CBLB: variants seen among roughly 807,000 people sequenced by gnomAD.
The protein encoded by CBLB is E3 ubiquitin-protein ligase CBL-B.
CBLB carries 31 observed loss-of-function variants against 104.9 expected under a neutral mutation model. The observed-to-expected ratio is 0.30, with a 90% CI of 0.22 to 0.40. The LOEUF is 0.40. Among genes scored for constraint, CBLB ranks in the 10% least tolerant of loss-of-function variants. CBLB has a pLI of 1.00. For missense variants in CBLB, 1,062 were observed against 1,214.6 expected, an observed-to-expected ratio of 0.87 and a Z score of 1.87; for synonymous variants, 440 against 422.6, an observed-to-expected ratio of 1.04 and a Z score of -0.51.
intron 3 of CBLB, among the ~76,000 whole-genome samples, chr3:105,817,898 T>G (rs1353795301): frequency 2.0e-5 from 3 of 152,224 alleles, no homozygotes; most frequent in African/African-American, 7.2e-5. Context: ...TAATTTGCAT[T>G]ATTAAGTTTT....
chr3:105,723,435 A>C (rs1482815919), intron 9 of CBLB, among the ~76,000 whole-genome samples: 2 of 152,074 alleles, frequency 1.3e-5, no homozygotes, highest in East Asian at 3.8e-4. Flanking sequence ...TTCTAAACCA[A>C]AGGATACAGA....
intron 10 of CBLB, among the ~76,000 whole-genome samples, chr3:105,707,205 C>T (rs550497458): frequency 6.6e-6 from 1 of 152,252 alleles, no homozygotes; most frequent in Admixed American, 6.5e-5. Flanking sequence ...GACGAGCAGG[C>T]TCTCTGAAGC....
At chr3:105,667,493 G>T (rs1383856353) in intron 18 of CBLB, among the ~76,000 whole-genome samples, 2 of 152,110 alleles carry the variant, frequency 1.3e-5, no homozygotes, top group East Asian at 3.8e-4. Flanking sequence ...CGATATATGT[G>T]AATTTAACAT....
intron 14 of CBLB, among the ~76,000 whole-genome samples, chr3:105,683,514 T>TAA (rs34999091): frequency 0.23 from 35,416 of 151,854 alleles, 4,395 homozygotes; most frequent in Non-Finnish European, 0.27. Context: ...ATGTAACAAT[T>TAA]AAAATTTAAC....
rs144889793 is a variant in CBLB, at chr3:105,854,711, C to T, written c.169-1047G>A. On this transcript the variant is annotated intron_variant, in intron 2 of 18. Transcript: ENST00000394030. Reference sequence around the variant, plus strand: ...GTAGTGACACGATCTCAGCTCACTGCAACCTCTGCCTCCCGGGTTCAAGTG... The same window carrying T: ...GTAGTGACACGATCTCAGCTCACTGTAACCTCTGCCTCCCGGGTTCAAGTG... Among the ~76,000 whole-genome samples, 1,324 of 152,166 alleles carry T rather than the reference C, an allele frequency of 8.7e-3. 27 individuals are homozygous for T. The highest frequency in any genetic ancestry group is 0.03 in the African/African-American group (1,261 of 41,486).
chr3:105,820,670 C>A (rs2085715067), intron 3 of CBLB, among the ~76,000 whole-genome samples: 1 of 151,926 alleles, frequency 6.6e-6, no homozygotes, highest in Non-Finnish European at 1.5e-5. Context: ...TACACAAACA[C>A]CAGATAAAAA....
chr3:105,738,504 C>A (rs191901585), intron 7 of CBLB, among the ~76,000 whole-genome samples: 2 of 151,728 alleles, frequency 1.3e-5, no homozygotes, highest in East Asian at 1.9e-4. Flanking sequence ...TTTTTATATA[C>A]CCTAAAAATT....
chr3:105,790,146 AAAT>A (rs1263415410), intron 3 of CBLB, among the ~76,000 whole-genome samples: 1 of 152,266 alleles, frequency 6.6e-6, no homozygotes, highest in African/African-American at 2.4e-5. Context: ...AAAAATAAGA[AAAT>A]AATTTTAAAA....
intron 17 of CBLB, 150 bp from the exon 18 acceptor site, chr3:105,670,502 C>T (rs995717696): frequency 3.1e-6 from 2 of 638,220 alleles, no homozygotes; most frequent in Non-Finnish European, 5.4e-6. Flanking sequence ...TTTTTTACTG[C>T]CTGCATATTT....
intron 4 of CBLB, among the ~76,000 whole-genome samples, chr3:105,752,716 T>C (rs1047164112): frequency 6.6e-6 from 1 of 152,206 alleles, no homozygotes; most frequent in Non-Finnish European, 1.5e-5. Context: ...AACTTTCATA[T>C]TCATTCAATA....
intron 6 of CBLB, 93 bp from the exon 7 acceptor site, chr3:105,740,724 C>G: frequency 8.7e-7 from 1 of 1,150,932 alleles, no homozygotes; most frequent in Middle Eastern, 2.0e-4. Context: ...AAAGAATAAA[C>G]AATCATTTAG....
chr3:105,678,828 T>C (rs2065957181), intron 16 of CBLB, among the ~76,000 whole-genome samples: 1 of 152,108 alleles, frequency 6.6e-6, no homozygotes, highest in Admixed American at 6.5e-5. Flanking sequence ...TATCAGGCCT[T>C]TTTATAAAAA....
chr3:105,820,604 C>T (rs1363821592), intron 3 of CBLB, among the ~76,000 whole-genome samples: 1 of 152,136 alleles, frequency 6.6e-6, no homozygotes, highest in Non-Finnish European at 1.5e-5. Context: ...CTTGTCCCAG[C>T]TTAGAAAGAG....
At chr3:105,827,489 T>C (rs563504416) in intron 3 of CBLB, among the ~76,000 whole-genome samples, 19 of 148,840 alleles carry the variant, frequency 1.3e-4, no homozygotes, top group Admixed American at 6.7e-4. Context: ...TTTACCAGTG[T>C]GTATGTGTGT....
chr3:105,777,630 A>C (rs2079639656), intron 3 of CBLB, among the ~76,000 whole-genome samples: 1 of 152,246 alleles, frequency 6.6e-6, no homozygotes, highest in African/African-American at 2.4e-5. Flanking sequence ...CAAAAACAAA[A>C]AATGAAAGAG....
In CBLB at chr3:105,655,877, T is replaced by A. The variant is rs979308314; in HGVS notation, c.*3093A>T. 4.5e-6 allele frequency: 1 copy of A among 222,414 alleles called. No individual in the cohort carries two copies. Among genetic ancestry groups the A allele is most frequent in the Non-Finnish European group, 9.0e-6 (1 of 111,212 alleles). 13.8% of individuals were successfully genotyped at this position (222,414 alleles called of 1,614,324 possible). A position where few individuals can be genotyped will look rare whatever the true frequency, so the allele number is the denominator to read the frequency against. ...GAACTGTAGGAAATGCTTCTGGAAC[T>A]GAAAAATTAAAAAATCACATTATGA... On this transcript the variant is annotated 3_prime_UTR_variant, in exon 19 of 19. Coordinates refer to ENST00000394030, the MANE Select transcript of CBLB (RefSeq NM_170662.5).
intron 3 of CBLB, among the ~76,000 whole-genome samples, chr3:105,789,170 C>T (rs763731150): frequency 1.8e-4 from 28 of 152,136 alleles, no homozygotes; most frequent in Non-Finnish European, 3.8e-4. Flanking sequence ...AAAGAGTATG[C>T]ATTCAATAAT....
At chr3:105,842,402 TA>T (rs1386381808) in intron 3 of CBLB, among the ~76,000 whole-genome samples, 1 of 152,238 alleles carries the variant, frequency 6.6e-6, no homozygotes, top group Non-Finnish European at 1.5e-5. Context: ...ATACCATGTT[TA>T]AATGAAGAGT....
In CBLB at chr3:105,857,778, A is replaced by G. The variant is rs183924456; in HGVS notation, c.169-4114T>C. 1.9e-3 allele frequency among the ~76,000 whole-genome samples: 290 copies of G among 152,312 alleles called. No homozygotes were observed. In the Middle Eastern group the frequency reaches 0.034, roughly 18 times the overall value. ...TTGTTTCAGGCTCTAGGGAACACAGAAAGGAATAAATCACACACCTGCCCT... is the reference window on the plus strand; with the variant it reads ...TTGTTTCAGGCTCTAGGGAACACAGGAAGGAATAAATCACACACCTGCCCT... On this transcript the variant is annotated intron_variant, in intron 2 of 18. Transcript: ENST00000394030.
Sources: allele counts gnomAD v4.1 joint callset (sites outside exome capture counted in the v4.1 genomes callset), GRCh38; gene constraint gnomAD v4.1.1; transcripts MANE v1.5; gene names NCBI Gene and HGNC (gene_info 2026-07-23, HGNC 2026-07-21).